Variants in VPS54 observed in about 807,000 individuals in gnomAD.
VPS54 encodes the protein vacuolar protein sorting-associated protein 54.
VPS54 carries 45 observed loss-of-function variants against 121.5 expected under a neutral mutation model. The observed-to-expected ratio is 0.37, with a 90% confidence interval of 0.29 to 0.47. The LOEUF (loss-of-function observed/expected upper bound fraction) is 0.47. Among genes scored for constraint, VPS54 ranks in the 20% least tolerant of loss-of-function variants. The pLI is 0.99. For synonymous variants in VPS54, 371 were observed against 385.8 expected (o/e 0.96, Z 0.45); for missense variants, 1,090 against 1,131.4 (o/e 0.96, Z 0.52).
At chr2:63,930,886 C>T (rs1674162695) in intron 12 of VPS54, among the ~76,000 whole-genome samples, 1 of 151,992 alleles carries the variant, frequency 6.6e-6, no homozygotes, top group Non-Finnish European at 1.5e-5. Flanking sequence ...AAACAGAGAG[C>T]CAAATCATGA....
rs745684723 is a variant in VPS54 at position 63,912,319 on chromosome 2, G to T, written c.2625+26C>A. ...GAAAATCATAATGTCTTTGAACAAAGTCTAATAATTTCTATAAATCATTAC... is the reference window on the plus strand; with the variant it reads ...GAAAATCATAATGTCTTTGAACAAATTCTAATAATTTCTATAAATCATTAC... On this transcript the variant is annotated intron_variant, in intron 20 of 22. Coordinates refer to ENST00000272322, the MANE Select transcript of VPS54 (RefSeq NM_016516.3). The T allele has an allele frequency of 3.2e-6, 5 of 1,547,626 alleles. No individual in the cohort carries two copies. The African/African-American group carries it at 5.5e-5, about 17-fold the overall frequency.
chr2:63,933,117 A>C (rs1363278775), intron 12 of VPS54, among the ~76,000 whole-genome samples: 1 of 152,164 alleles, frequency 6.6e-6, no homozygotes, highest in African/African-American at 2.4e-5. Flanking sequence ...ATCTGGATGA[A>C]GGTTATATGA....
chr2:63,900,683 G>C (rs1355716510), intron 20 of VPS54, among the ~76,000 whole-genome samples: 1 of 152,128 alleles, frequency 6.6e-6, no homozygotes, highest in African/African-American at 2.4e-5. Context: ...GAGGTGTTCA[G>C]TCTTCAAAGG....
intron 3 of VPS54, chr2:63,975,569 T>C (rs1195260116): frequency 6.6e-6 from 1 of 152,490 alleles, no homozygotes; most frequent in African/African-American, 2.4e-5. Context: ...ATAAACTGCC[T>C]CATTTGATCT....
chr2:63,916,305 C>CA (rs986464470), intron 16 of VPS54, among the ~76,000 whole-genome samples: 1 of 151,762 alleles, frequency 6.6e-6, no homozygotes, highest in African/African-American at 2.4e-5. Context: ...TAGTACTAGA[C>CA]AAAAAAAGAT....
At chr2:63,963,637 A>T (rs1309095424) in intron 6 of VPS54, among the ~76,000 whole-genome samples, 1 of 152,126 alleles carries the variant, frequency 6.6e-6, no homozygotes, top group African/African-American at 2.4e-5. Flanking sequence ...TAATCTTACA[A>T]TATCTAAATA....
intron 7 of VPS54, among the ~76,000 whole-genome samples, chr2:63,959,479 G>A (rs766184147): frequency 2.0e-5 from 3 of 152,056 alleles, no homozygotes; most frequent in Non-Finnish European, 2.9e-5. Flanking sequence ...AAACTTTACA[G>A]AAATGTTTTA....
In VPS54 at chr2:63,893,271, G is replaced by C; in HGVS notation, c.*159C>G. ...AATGACATTCCTTGTAGATCCCACT[G>C]AATCCAGTTTCCCAACACTTGATAC... On this transcript the variant is annotated 3_prime_UTR_variant, in exon 23 of 23. Coordinates refer to ENST00000272322, the MANE Select transcript of VPS54 (RefSeq NM_016516.3). 2.7e-6 allele frequency: 2 copies of C among 749,840 alleles called. No individual in the cohort carries two copies. The highest frequency in any genetic ancestry group is 3.7e-5 in the Admixed American group (2 of 53,934). 46.4% of individuals were successfully genotyped at this position (749,840 alleles called of 1,614,324 possible).
At chr2:64,008,673 T>C (rs1678282616) in intron 1 of VPS54, among the ~76,000 whole-genome samples, 1 of 151,588 alleles carries the variant, frequency 6.6e-6, no homozygotes, top group Non-Finnish European at 1.5e-5. Flanking sequence ...AATGTGTGAG[T>C]GGGAGGAGGA....
chr2:63,945,145 C>T (rs574214965), intron 9 of VPS54, among the ~76,000 whole-genome samples: 1 of 152,240 alleles, frequency 6.6e-6, no homozygotes, highest in East Asian at 1.9e-4. Context: ...ACCTAAATGC[C>T]CATCAATGAT....
intron 6 of VPS54, among the ~76,000 whole-genome samples, chr2:63,964,354 C>A (rs954669152): frequency 5.3e-5 from 8 of 152,122 alleles, no homozygotes; most frequent in African/African-American, 1.9e-4. Flanking sequence ...TTGATTTACT[C>A]TTTTCAAGGC....
At chr2:63,946,316 A>G (rs1674975850) in intron 9 of VPS54, among the ~76,000 whole-genome samples, 1 of 152,116 alleles carries the variant, frequency 6.6e-6, no homozygotes, top group South Asian at 2.1e-4. Flanking sequence ...TCCAGTTTTT[A>G]AAATTACAAA....
chr2:63,961,581 TAAC>T (rs1432975832), intron 7 of VPS54, among the ~76,000 whole-genome samples: 1 of 152,206 alleles, frequency 6.6e-6, no homozygotes, highest in Non-Finnish European at 1.5e-5. Context: ...TTCAAAATAA[TAAC>T]AGGAGAAATT....
intron 3 of VPS54, among the ~76,000 whole-genome samples, chr2:63,981,162 C>A (rs761029356): frequency 1.3e-5 from 2 of 152,060 alleles, no homozygotes; most frequent in Non-Finnish European, 2.9e-5. Flanking sequence ...AATTGATAGA[C>A]CATCTAAAAC....
intron 7 of VPS54, among the ~76,000 whole-genome samples, chr2:63,952,829 T>G (rs1364204824): frequency 6.6e-6 from 1 of 152,178 alleles, no homozygotes; most frequent in Admixed American, 6.6e-5. Flanking sequence ...AGAGGAATTT[T>G]GACCTAGGAA....
chr2:64,005,549 G>A (rs1173722410), intron 1 of VPS54, among the ~76,000 whole-genome samples: 1 of 152,214 alleles, frequency 6.6e-6, no homozygotes, highest in African/African-American at 2.4e-5. Context: ...TACTGTAAAT[G>A]TACTGTCCAT....
At chr2:63,965,089 A>T (rs542738792) in intron 6 of VPS54, among the ~76,000 whole-genome samples, 163 of 152,282 alleles carry the variant, frequency 1.1e-3, no homozygotes, top group Non-Finnish European at 2.0e-3. Flanking sequence ...TCTTTAAGAT[A>T]TTTTTGTTTC....
In VPS54 at chr2:64,019,280, A is replaced by AGCC. The variant is rs945629842; in HGVS notation, c.-366_-364dup. ...CTCCCACATCCCCGGCCTCCAGGGG[A>AGCC]GCCGCCGCCGCCGCGCCACGACCAC... On this transcript the variant is annotated 5_prime_UTR_variant, in exon 1 of 23. Coordinates refer to ENST00000272322, the MANE Select transcript of VPS54 (RefSeq NM_016516.3). 2.0e-5 allele frequency among the ~76,000 whole-genome samples: 3 copies of AGCC among 147,786 alleles called. No homozygotes were observed. Among genetic ancestry groups the AGCC allele is most frequent in the Admixed American group, 6.7e-5 (1 of 14,956 alleles).
intron 20 of VPS54, among the ~76,000 whole-genome samples, chr2:63,904,654 T>C (rs567424544): frequency 1.5e-4 from 23 of 151,828 alleles, no homozygotes; most frequent in Admixed American, 3.3e-4. Flanking sequence ...AGACAGAAAA[T>C]CAGTAAGGAC....
Sources: gnomAD v4.1 joint callset for allele counts (sites outside exome capture counted in the v4.1 genomes callset) on GRCh38, gnomAD v4.1.1 for gene constraint, MANE v1.5 for transcripts, NCBI Gene and HGNC (gene_info 2026-07-23, HGNC 2026-07-21) for gene names.